SEMA6D: variants seen among roughly 807,000 people sequenced by gnomAD.
The protein encoded by SEMA6D is semaphorin-6D.
A neutral mutation model predicts 106.6 loss-of-function variants in SEMA6D; 35 were observed. That is an observed-to-expected ratio of 0.33 (90% CI 0.25 to 0.44). The LOEUF is 0.44. SEMA6D is among the 20% of genes least tolerant of loss of function. The pLI is 1.00. For synonymous variants in SEMA6D, 499 were observed against 487.7 expected (o/e 1.02, Z -0.31); for missense variants, 1,185 against 1,345.9 (o/e 0.88, Z 1.87).
chr15:47,693,212 C>A (rs1345414860), intron 4 of SEMA6D, among the ~76,000 whole-genome samples: 2 of 152,008 alleles, frequency 1.3e-5, no homozygotes, highest in Admixed American at 6.5e-5. Context: ...CAGGGAAAGG[C>A]AATGTGAAGA....
intron 1 of SEMA6D, among the ~76,000 whole-genome samples, chr15:47,269,134 T>C (rs550317458): frequency 1.3e-5 from 2 of 152,270 alleles, no homozygotes; most frequent in South Asian, 2.1e-4. Flanking sequence ...TATGTATGCT[T>C]TATTTTTTTA....
intron 1 of SEMA6D, among the ~76,000 whole-genome samples, chr15:47,185,053 C>G (rs1213613647): frequency 1.3e-5 from 2 of 152,150 alleles, no homozygotes; most frequent in African/African-American, 4.8e-5. Context: ...CCCGCGCTAG[C>G]GGGCTTGCGC....
rs975177230 is a variant in SEMA6D, at chr15:47,702,724, G to A, written c.-54-57021G>A. ...ATCAATCTATGAAAAGACATGTGAG[G>A]AAATTAAATATATATTATTAAGTGA... On this transcript the variant is annotated intron_variant, in intron 4 of 19. Coordinates refer to the SEMA6D transcript ENST00000558014. Among the ~76,000 whole-genome samples, 5 of 152,196 alleles carry A rather than the reference G, an allele frequency of 3.3e-5. No individual in the cohort carries two copies. In the South Asian group the frequency reaches 1.0e-3, roughly 32 times the overall value.
intron 1 of SEMA6D, among the ~76,000 whole-genome samples, chr15:47,351,738 G>A (rs972866631): frequency 5.9e-5 from 9 of 152,144 alleles, no homozygotes; most frequent in African/African-American, 1.4e-4. Flanking sequence ...TCTTCCTGGT[G>A]TTCTAACCAT....
chr15:47,415,471 C>G (rs985231833), intron 2 of SEMA6D, among the ~76,000 whole-genome samples: 1 of 152,030 alleles, frequency 6.6e-6, no homozygotes, highest in African/African-American at 2.4e-5. Context: ...GACTTCCTAC[C>G]ACAGCAAACC....
intron 3 of SEMA6D, among the ~76,000 whole-genome samples, chr15:47,540,534 C>T (rs376232994): frequency 3.9e-5 from 6 of 152,096 alleles, no homozygotes; most frequent in East Asian, 3.9e-4. Context: ...TTCCTGGTAA[C>T]GCAGGCAGGC....
intron 1 of SEMA6D, among the ~76,000 whole-genome samples, chr15:47,361,245 T>G (rs2145102506): frequency 6.6e-6 from 1 of 152,316 alleles, no homozygotes; most frequent in African/African-American, 2.4e-5. Flanking sequence ...GACAGCCCCC[T>G]GAACAGTCAT....
chr15:47,195,781 A>C, intron 1 of SEMA6D, among the ~76,000 whole-genome samples: 1 of 152,086 alleles, frequency 6.6e-6, no homozygotes, highest in African/African-American at 2.4e-5. Context: ...CTACCTCTTC[A>C]TCCAGAGTCT....
chr15:47,189,942 A>G (rs140464693), intron 1 of SEMA6D, among the ~76,000 whole-genome samples: 54 of 152,328 alleles, frequency 3.5e-4, no homozygotes, highest in African/African-American at 9.6e-4. Flanking sequence ...ACTGACATCT[A>G]TGGTGTATGC....
At chr15:47,464,070 A>G (rs2042590231) in intron 2 of SEMA6D, among the ~76,000 whole-genome samples, 1 of 152,116 alleles carries the variant, frequency 6.6e-6, no homozygotes, top group African/African-American at 2.4e-5. Context: ...AAATTTACTC[A>G]TTCACATATT....
At chr15:47,198,547 C>T (rs1330794445) in intron 1 of SEMA6D, among the ~76,000 whole-genome samples, 1 of 152,118 alleles carries the variant, frequency 6.6e-6, no homozygotes, top group Non-Finnish European at 1.5e-5. Flanking sequence ...AAAACAATAA[C>T]AGCTTGGCCT....
chr15:47,559,394 T>C (rs2046012288), intron 3 of SEMA6D, among the ~76,000 whole-genome samples: 1 of 152,060 alleles, frequency 6.6e-6, no homozygotes, highest in African/African-American at 2.4e-5. Context: ...GAGCTTCAGG[T>C]CAGAAGAATA....
intron 1 of SEMA6D, among the ~76,000 whole-genome samples, chr15:47,238,718 C>A (rs1002262296): frequency 1.3e-5 from 2 of 152,004 alleles, no homozygotes; most frequent in Non-Finnish European, 2.9e-5. Flanking sequence ...GATTTTCTGG[C>A]CTGAGTTTGC....
At chr15:47,491,293 A>G (rs1466392701) in intron 3 of SEMA6D, among the ~76,000 whole-genome samples, 1 of 152,212 alleles carries the variant, frequency 6.6e-6, no homozygotes, top group East Asian at 1.9e-4. Flanking sequence ...AACTTGTGAT[A>G]TATTATCACA....
chr15:47,303,179 C>A (rs769454597), intron 1 of SEMA6D, among the ~76,000 whole-genome samples: 3 of 152,184 alleles, frequency 2.0e-5, no homozygotes, highest in Non-Finnish European at 2.9e-5. Flanking sequence ...TAGAAACAGA[C>A]CTTCATCACC....
At chr15:47,218,095 A>G (rs989310636) in intron 1 of SEMA6D, among the ~76,000 whole-genome samples, 1 of 152,110 alleles carries the variant, frequency 6.6e-6, no homozygotes, top group African/African-American at 2.4e-5. Flanking sequence ...GGACCAATTA[A>G]TTAACCTTTT....
chr15:47,387,871 C>A (rs1034524701), intron 1 of SEMA6D, among the ~76,000 whole-genome samples: 4 of 152,194 alleles, frequency 2.6e-5, no homozygotes, highest in African/African-American at 9.6e-5. Flanking sequence ...GAGAGTAGCA[C>A]CCTCATAGTG....
At chr15:47,448,196 A>G (rs575523321) in intron 2 of SEMA6D, among the ~76,000 whole-genome samples, 1 of 152,140 alleles carries the variant, frequency 6.6e-6, no homozygotes, top group African/African-American at 2.4e-5. Context: ...ACTCCTTTGT[A>G]CTTACCCCCA....
chr15:47,445,172 G>A (rs562251165), intron 2 of SEMA6D, among the ~76,000 whole-genome samples: 7 of 152,024 alleles, frequency 4.6e-5, no homozygotes, highest in Non-Finnish European at 8.8e-5. Context: ...TCCATGGAGC[G>A]TATGGTTTGT....
Sources: gnomAD v4.1 joint callset for allele counts (sites outside exome capture counted in the v4.1 genomes callset) on GRCh38, gnomAD v4.1.1 for gene constraint, MANE v1.5 for transcripts, NCBI Gene and HGNC (gene_info 2026-07-23, HGNC 2026-07-21) for gene names.